Variants in ABCC2 observed in about 807,000 individuals in gnomAD.
The protein encoded by ABCC2 is ATP binding cassette subfamily C member 2.
Under a neutral mutation model 173.4 loss-of-function variants are expected in ABCC2, and 157 were observed. The ratio of observed to expected loss-of-function variants is 0.91; its 90% CI spans 0.80 to 1.03. The LOEUF (loss-of-function observed/expected upper bound fraction) is 1.03. Ranked by LOEUF, ABCC2 falls within the 50% of genes least tolerant of loss-of-function variation. The pLI is 0.00. For missense variants in ABCC2, 1,822 were observed against 1,852.3 expected, an observed-to-expected ratio of 0.98 and a Z score of 0.30; for synonymous variants, 657 against 693.5, an observed-to-expected ratio of 0.95 and a Z score of 0.83.
At position 99,845,793 on chromosome 10, in the gene ABCC2, GA is replaced by G. The variant is rs770515603; in HGVS notation, c.4146+13del. 6.2e-7 allele frequency: 1 copy of G among 1,606,546 alleles called. No homozygotes were observed. Among genetic ancestry groups the G allele is most frequent in the Non-Finnish European group, 8.5e-7 (1 of 1,177,078 alleles). ...ACCATCATCCCCCAGGTGAGCTCTA[GA>G]ACTTACTCGGGCACATGCCGTGGGG... On this transcript the variant is annotated intron_variant, in intron 29 of 31. Coordinates refer to ENST00000647814, the MANE Select transcript of ABCC2 (RefSeq NM_000392.5).
intron 7 of ABCC2, among the ~76,000 whole-genome samples, chr10:99,798,486 G>T (rs1343855196): frequency 6.6e-6 from 1 of 152,148 alleles, no homozygotes; most frequent in Non-Finnish European, 1.5e-5. Flanking sequence ...ACTGTCCCCA[G>T]CTCAGGAGGC....
chr10:99,835,981 G>C, intron 24 of ABCC2, 110 bp from the exon 25 acceptor site: 2 of 1,079,740 alleles, frequency 1.9e-6, no homozygotes, highest in Non-Finnish European at 2.8e-6. Context: ...TTGTTCAGAC[G>C]TAAGCTGTGC....
At chr10:99,787,335 T>G (rs1018202529) in intron 2 of ABCC2, among the ~76,000 whole-genome samples, 2 of 152,272 alleles carry the variant, frequency 1.3e-5, no homozygotes, top group African/African-American at 2.4e-5. Context: ...AGACATTTCA[T>G]ATGAATGGAA....
In ABCC2 at chr10:99,810,184, G is replaced by A. The variant is rs2038185039; in HGVS notation, c.1866G>A (p.Leu622=). ...AGAAGTACTTGGGAGGGGATGACTT[G>A]GACACATCTGCCATTCGACATGACT... ...RLEKYLGGDD[L]DTSAIRHDCN... Residue 622 remains leucine (L), a synonymous_variant, in exon 14 of 32, where the codon TTG becomes TTA. Coordinates refer to ENST00000647814, the MANE Select transcript of ABCC2 (RefSeq NM_000392.5). 6.2e-7 allele frequency: 1 copy of A among 1,613,408 alleles called. No homozygotes were observed. Among genetic ancestry groups the A allele is most frequent in the Non-Finnish European group, 8.5e-7 (1 of 1,179,580 alleles).
Position 99,807,420 on chromosome 10 carries a change from G to C in ABCC2, c.1567G>C (p.Asp523His). Reference protein sequence around the residue: ...KYFAWEPSFRDQVQNLRKKEL... With the variant: ...KYFAWEPSFRHQVQNLRKKEL... The stretch of plus-strand genomic sequence containing the variant: ...TTTTGCCTGGGAACCTTCATTCAGA[G>C]ACCAAGTACAAAACCTCCGGAAGAA... The change falls in exon 12 of 32, where the codon GAC (aspartate) becomes CAC (histidine). Residue 523 changes from aspartate to histidine, a missense_variant. Coordinates refer to ENST00000647814, the MANE Select transcript of ABCC2 (RefSeq NM_000392.5). The C allele has an allele frequency of 1.2e-6, 2 of 1,614,098 alleles. No homozygotes were observed. The highest frequency in any genetic ancestry group is 8.5e-7 in the Non-Finnish European group (1 of 1,179,990).
At chr10:99,801,230 G>T (rs2038011133) in intron 9 of ABCC2, among the ~76,000 whole-genome samples, 1 of 151,808 alleles carries the variant, frequency 6.6e-6, no homozygotes, top group Non-Finnish European at 1.5e-5. Flanking sequence ...TGTTGTTGTT[G>T]TTTTGTTTTG....
At chr10:99,823,087 G>T (rs2038567462) in intron 19 of ABCC2, among the ~76,000 whole-genome samples, 1 of 152,230 alleles carries the variant, frequency 6.6e-6, no homozygotes, top group South Asian at 2.1e-4. Flanking sequence ...GAAGGTACAT[G>T]CGTGACATCC....
At chr10:99,814,400 T>C (rs1470493255) in intron 16 of ABCC2, among the ~76,000 whole-genome samples, 3 of 143,936 alleles carry the variant, frequency 2.1e-5, no homozygotes, top group Non-Finnish European at 4.6e-5. Context: ...TATGGGTATA[T>C]ATACACACGT....
chr10:99,793,926 T>A lies in ABCC2; in HGVS notation c.503T>A (p.Phe168Tyr). Residue 168 changes from phenylalanine to tyrosine, a missense_variant, in exon 5 of 32, where the codon TTC (phenylalanine) becomes TAC (tyrosine). Physicochemically the swap from Phe to Tyr is conservative, Grantham distance 22. Coordinates refer to ENST00000647814, the MANE Select transcript of ABCC2 (RefSeq NM_000392.5). Reference protein sequence around the residue: ...DNSNLAYSCLFFISYGFQILI... With the variant: ...DNSNLAYSCLYFISYGFQILI... The stretch of plus-strand genomic sequence containing the variant: ...TCTAATCTAGCCTACTCCTGCCTGT[T>A]CTTCATCTCCTACGGATTCCAGATC... 6.2e-7 allele frequency: 1 copy of A among 1,614,052 alleles called. No individual in the cohort carries two copies. Among genetic ancestry groups the A allele is most frequent in the East Asian group, 2.2e-5 (1 of 44,882 alleles).
At position 99,808,751 on chromosome 10, in the gene ABCC2, G is replaced by A. The variant is rs116965003; in HGVS notation, c.1815+522G>A. Among the ~76,000 whole-genome samples the A allele has an allele frequency of 2.6e-3, 390 of 152,308 alleles. 1 individual carries two copies. The highest frequency in any genetic ancestry group is 4.2e-3 in the Non-Finnish European group (284 of 68,028). The stretch of plus-strand genomic sequence containing the variant: ...CCTGGGTTCTGAAAAACTGAGCATA[G>A]TCACTGATATGCGACAAGTACCAGA... On this transcript the variant is annotated intron_variant, in intron 13 of 31. Transcript: ENST00000647814.
At position 99,804,412 on chromosome 10, in the gene ABCC2, C is replaced by T. The variant is rs184860078; in HGVS notation, c.1464+139C>T. On this transcript the variant is annotated intron_variant, in intron 10 of 31. Coordinates refer to ENST00000647814, the MANE Select transcript of ABCC2 (RefSeq NM_000392.5). ...TTTCTACCATCTCAATTGTACTTAG[C>T]TGTCTCTGAGTTCCCTTTTCATCTT... 3,021 of 1,169,080 alleles carry T rather than the reference C, an allele frequency of 2.6e-3. 3 individuals are homozygous for T. The highest frequency in any genetic ancestry group is 3.2e-3 in the Non-Finnish European group (2,594 of 820,256). 72.4% of individuals were successfully genotyped at this position (1,169,080 alleles called of 1,614,324 possible). A position where few individuals can be genotyped will look rare whatever the true frequency, so the allele number is the denominator to read the frequency against.
At chr10:99,843,364 ACT>A (rs1260309064) in intron 26 of ABCC2, among the ~76,000 whole-genome samples, 3 of 152,120 alleles carry the variant, frequency 2.0e-5, no homozygotes, top group Non-Finnish European at 4.4e-5. Context: ...CTCAACAAGA[ACT>A]CTCTGTGCAT....
chr10:99,813,451 C>A lies in ABCC2; in HGVS notation c.2094+307C>A, dbSNP rs371643205. Among the ~76,000 whole-genome samples the A allele has an allele frequency of 1.2e-4, 19 of 152,280 alleles. 1 individual carries two copies. The East Asian group carries it at 1.7e-3, about 14-fold the overall frequency. On this transcript the variant is annotated intron_variant, in intron 16 of 31. Transcript: ENST00000647814. Reference sequence around the variant, plus strand: ...GCATTTCTGGCCAGGCACGGTGGCTCACGCCTATAATCCCAGCACTTTGAG... The same window carrying A: ...GCATTTCTGGCCAGGCACGGTGGCTAACGCCTATAATCCCAGCACTTTGAG...
At chr10:99,822,061 C>T (rs550376672) in intron 19 of ABCC2, among the ~76,000 whole-genome samples, 263 of 152,208 alleles carry the variant, frequency 1.7e-3, no homozygotes, top group Non-Finnish European at 3.3e-3. Flanking sequence ...GGCAGGGCAG[C>T]GATCATCTGT....
At chr10:99,799,448 G>T in intron 8 of ABCC2, 78 bp downstream of exon 8, 1 of 1,516,072 alleles carries the variant, frequency 6.6e-7, no homozygotes, top group Non-Finnish European at 9.1e-7. Context: ...ATGCAAGCAG[G>T]AGCTTTTCTT....
At chr10:99,834,969 G>T (rs1158126467) in intron 24 of ABCC2, among the ~76,000 whole-genome samples, 7 of 152,258 alleles carry the variant, frequency 4.6e-5, no homozygotes, top group African/African-American at 1.7e-4. Context: ...CTCAGCAGCA[G>T]CTGGGTCTTT....
intron 16 of ABCC2, among the ~76,000 whole-genome samples, chr10:99,814,626 CACATATGTGTATAT>C (rs1564685627): frequency 6.3e-4 from 76 of 120,206 alleles, no homozygotes; most frequent in Non-Finnish European, 7.7e-4. Context: ...CACATATACA[CACATATGTGTATAT>C]ACACATATAC....
chr10:99,847,218 T>C lies in ABCC2; in HGVS notation c.4313+91T>C, dbSNP rs4148402. 102 of 1,441,512 alleles carry C rather than the reference T, an allele frequency of 7.1e-5. No individual in the cohort carries two copies. In the East Asian group the frequency reaches 2.3e-3, roughly 33 times the overall value. The allele number at this position is 1,441,512 out of a possible 1,614,324, so 89.3% of individuals were successfully genotyped here. On this transcript the variant is annotated intron_variant, in intron 30 of 31. Coordinates refer to ENST00000647814, the MANE Select transcript of ABCC2 (RefSeq NM_000392.5). ...TCCTCGTGTTAGGTGATGCCTGGCA[T>C]AGAATTTTCATCCAGGTCTGATTCC...
At chr10:99,831,454 G>A (rs192853966) in intron 21 of ABCC2, among the ~76,000 whole-genome samples, 157 bp from the exon 22 acceptor site, 1 of 152,162 alleles carries the variant, frequency 6.6e-6, no homozygotes, top group East Asian at 1.9e-4. Flanking sequence ...ATCCTTCCTG[G>A]CACAGTGCAG....
Sources: allele counts gnomAD v4.1 joint callset (sites outside exome capture counted in the v4.1 genomes callset), GRCh38; gene constraint gnomAD v4.1.1; transcripts MANE v1.5; gene names NCBI Gene and HGNC (gene_info 2026-07-23, HGNC 2026-07-21).